SND1: variants seen among roughly 807,000 people sequenced by gnomAD.
SND1 encodes the protein staphylococcal nuclease and tudor domain containing 1.
Under a neutral mutation model 121.7 loss-of-function variants are expected in SND1, and 38 were observed. The observed-to-expected ratio is 0.31, with a 90% CI of 0.24 to 0.41. The LOEUF (loss-of-function observed/expected upper bound fraction) is 0.41. SND1 is among the 10% of genes least tolerant of loss of function. The probability of loss-of-function intolerance (pLI) is 1.00; values close to 1 mark genes in which losing one functional copy is unlikely to be tolerated. For synonymous variants in SND1, 401 were observed against 447.4 expected, an observed-to-expected ratio of 0.90 and a Z score of 1.31; for missense variants, 868 against 1,184.6, an observed-to-expected ratio of 0.73 and a Z score of 3.92.
intron 12 of SND1, among the ~76,000 whole-genome samples, chr7:127,849,187 A>G (rs1799121771): frequency 6.6e-6 from 1 of 152,126 alleles, no homozygotes; most frequent in Non-Finnish European, 1.5e-5. Context: ...ATTACTTTTT[A>G]TTGTATTTAA....
In SND1 at chr7:127,953,210, GTGTGTGTGTGTA is replaced by G. The variant is rs1290995282; in HGVS notation, c.1669+23885_1669+23896del. ...TGTGTGTGTGTGTGTGTGTGTGTGT[GTGTGTGTGTGTA>G]TGTATGAAAAGAAGAAAGCATCTGT... is the stretch of plus-strand genomic sequence containing the variant. On this transcript the variant is annotated intron_variant, in intron 15 of 23. Coordinates refer to ENST00000354725, the MANE Select transcript of SND1 (RefSeq NM_014390.4). 3.1e-3 allele frequency among the ~76,000 whole-genome samples: 241 copies of G among 77,004 alleles called. 10 individuals carry two copies. The highest frequency in any genetic ancestry group is 7.6e-3 in the Middle Eastern group (1 of 132). 50.5% of individuals were successfully genotyped at this position (77,004 alleles called of 152,430 possible).
Position 128,089,561 on chromosome 7 carries a change from G to C in SND1, c.2491G>C (p.Glu831Gln). ...GAACACTCAGTGCCTGCTCAACGTG[G>C]AACACCTGAGTGCCGGCTGCCCCCA... ...IQNTQCLLNVEHLSAGCPHVT... is the reference protein window; with the variant it reads ...IQNTQCLLNVQHLSAGCPHVT... The change falls in exon 22 of 24, where the codon GAA becomes CAA. Residue 831 changes from glutamate (E) to glutamine (Q), a missense_variant. This residue lies in a region of SND1 where 743 missense variants were observed against 1,071.3 expected (regional missense o/e 0.69). Coordinates refer to ENST00000354725, the MANE Select transcript of SND1 (RefSeq NM_014390.4). 1 of 1,614,242 alleles carries C rather than the reference G, an allele frequency of 6.2e-7. No homozygotes were observed. The highest frequency in any genetic ancestry group is 2.2e-5 in the East Asian group (1 of 44,878).
chr7:127,776,166 A>G (rs1024972091), intron 10 of SND1, among the ~76,000 whole-genome samples: 1 of 152,224 alleles, frequency 6.6e-6, no homozygotes, highest in Non-Finnish European at 1.5e-5. Flanking sequence ...GTGAAAAAAT[A>G]GGCTTTCATC....
intron 15 of SND1, among the ~76,000 whole-genome samples, chr7:127,950,469 C>G (rs1801437357): frequency 6.6e-6 from 1 of 152,150 alleles, no homozygotes; most frequent in Non-Finnish European, 1.5e-5. Context: ...CAAAGAAAGC[C>G]CTAAGTGGCC....
chr7:127,744,996 A>T (rs933541401), intron 10 of SND1, among the ~76,000 whole-genome samples: 12 of 152,210 alleles, frequency 7.9e-5, no homozygotes, highest in African/African-American at 2.9e-4. Context: ...TCATAAACTG[A>T]TAGGAAGTTT....
chr7:127,772,445 A>C (rs1288691370), intron 10 of SND1, among the ~76,000 whole-genome samples: 1 of 152,144 alleles, frequency 6.6e-6, no homozygotes, highest in Non-Finnish European at 1.5e-5. Flanking sequence ...CACCCCAAAA[A>C]CAGAAGTAAT....
intron 12 of SND1, among the ~76,000 whole-genome samples, chr7:127,852,120 A>G (rs1004938633): frequency 1.3e-5 from 2 of 152,064 alleles, no homozygotes; most frequent in Admixed American, 1.3e-4. Context: ...AGATTGTGCC[A>G]CTGCACTCCA....
chr7:128,042,103 G>T (rs978273498), intron 16 of SND1, among the ~76,000 whole-genome samples: 7 of 152,122 alleles, frequency 4.6e-5, no homozygotes, highest in Admixed American at 3.3e-4. Flanking sequence ...GGTGACTAGG[G>T]CCAGTTTGTA....
intron 14 of SND1, among the ~76,000 whole-genome samples, chr7:127,905,683 G>A (rs533296135): frequency 1.7e-3 from 265 of 152,268 alleles, no homozygotes; most frequent in African/African-American, 6.1e-3. Context: ...GGCCAGGAAA[G>A]GCACTCTCTG....
At chr7:127,784,982 A>C (rs560574027) in intron 10 of SND1, among the ~76,000 whole-genome samples, 70 of 152,248 alleles carry the variant, frequency 4.6e-4, no homozygotes, top group African/African-American at 1.7e-3. Flanking sequence ...GCAGTGGCAC[A>C]ATCACGGCTT....
At chr7:127,962,383 G>A (rs2116872395) in intron 15 of SND1, among the ~76,000 whole-genome samples, 1 of 152,302 alleles carries the variant, frequency 6.6e-6, no homozygotes, top group South Asian at 2.1e-4. Context: ...GACGTGTGCA[G>A]AGTTGTTGCA....
chr7:128,028,644 C>T, intron 16 of SND1: 1 of 1,580,128 alleles, frequency 6.3e-7, no homozygotes, highest in Non-Finnish European at 8.6e-7. Flanking sequence ...TGTGTGCATT[C>T]TATTGCATTT....
chr7:127,759,045 T>C (rs1434092214), intron 10 of SND1, among the ~76,000 whole-genome samples: 1 of 115,358 alleles, frequency 8.7e-6, no homozygotes, highest in Non-Finnish European at 1.9e-5. Flanking sequence ...CATAGCAAGA[T>C]GCTGTCTCAA....
chr7:128,029,345 G>T lies in SND1; in HGVS notation c.1779+38289G>T, dbSNP rs1309192226. ...CATTGAGGTAGGCCGAGGCGTTGGA[G>T]TTGCCTGCAACATTGGTCACCATGC... On this transcript the variant is annotated intron_variant, in intron 16 of 23. Coordinates refer to ENST00000354725, the MANE Select transcript of SND1 (RefSeq NM_014390.4). This position sits in a 1 kb window ranked among gnomAD's most constrained non-coding sequence, Gnocchi z 4.2. The T allele has an allele frequency of 6.2e-7, 1 of 1,614,202 alleles. No homozygotes were observed. The highest frequency in any genetic ancestry group is 1.1e-5 in the South Asian group (1 of 91,084).
chr7:127,953,939 C>G (rs907444822), intron 15 of SND1, among the ~76,000 whole-genome samples: 1 of 152,152 alleles, frequency 6.6e-6, no homozygotes, highest in African/African-American at 2.4e-5. Flanking sequence ...TTAATTTGAT[C>G]AGTTGATTAC....
chr7:127,904,867 C>A (rs753060375), intron 14 of SND1, 48 bp downstream of exon 14: 2 of 1,166,820 alleles, frequency 1.7e-6, no homozygotes, highest in Middle Eastern at 1.9e-4. Flanking sequence ...GGCTCAAGAG[C>A]GTGTCTGCAT....
chr7:127,889,844 A>G (rs762740521), intron 13 of SND1, among the ~76,000 whole-genome samples: 3 of 152,032 alleles, frequency 2.0e-5, no homozygotes, highest in Admixed American at 6.6e-5. Context: ...GTTGTTGCAA[A>G]TGACAGGATC....
chr7:127,938,922 G>C (rs1037100694), intron 15 of SND1, among the ~76,000 whole-genome samples: 2 of 152,092 alleles, frequency 1.3e-5, no homozygotes, highest in Admixed American at 1.3e-4. Context: ...CACAATGCTA[G>C]GAATACAGAA....
At chr7:127,992,865 A>G (rs1802552513) in intron 16 of SND1, among the ~76,000 whole-genome samples, 2 of 152,282 alleles carry the variant, frequency 1.3e-5, no homozygotes, top group South Asian at 4.1e-4. Context: ...CCTTTGTCTT[A>G]TATTTGCTAA....
Sources: gnomAD v4.1 joint callset for allele counts (sites outside exome capture counted in the v4.1 genomes callset) on GRCh38, gnomAD v4.1.1 for gene constraint, gnomAD v4.1.1 regional missense constraint, Gnocchi (gnomAD v3.1) non-coding constraint, MANE v1.5 for transcripts, NCBI Gene and HGNC (gene_info 2026-07-23, HGNC 2026-07-21) for gene names.